The following SLC2A3 variants were observed in gnomAD, a reference collection of about 807,000 sequenced individuals.
SLC2A3 encodes solute carrier family 2 member 3, also known as solute carrier family 2, facilitated glucose transporter member 3.
In SLC2A3, 21 loss-of-function variants were observed where a neutral mutation model predicts 46.4. The ratio of observed to expected loss-of-function variants is 0.45; its 90% CI spans 0.32 to 0.65. The LOEUF is 0.65. SLC2A3 is among the 30% of genes least tolerant of loss of function. The pLI is 0.04. For synonymous variants in SLC2A3, 213 were observed against 239.4 expected (o/e 0.89, Z 1.02); for missense variants, 499 against 623.3 (o/e 0.80, Z 2.12).
intron 6 of SLC2A3, among the ~76,000 whole-genome samples, chr12:7,927,475 T>C (rs1422840438): frequency 4.6e-5 from 7 of 152,094 alleles, no homozygotes; most frequent in Non-Finnish European, 1.0e-4. Context: ...AACCCCTACA[T>C]CATCTCACCT....
chr12:7,930,555 C>T lies in SLC2A3; in HGVS notation c.598G>A (p.Ala200Thr). The stretch of plus-strand genomic sequence containing the variant: ...CTTTCAGGGCAAAATGGAAGGGCTG[C>T]ACTTTGTAGGATAGCAGGAAGGATG... ...FTILPAILQS[A>T]ALPFCPESPR... is the part of the protein sequence containing the mutation. The change falls in exon 5 of 10, where the codon GCA becomes ACA. Residue 200 changes from alanine to threonine, a missense_variant. Physicochemically the swap from Ala to Thr is moderately conservative, Grantham distance 58 (BLOSUM62 0). Coordinates refer to ENST00000075120, the MANE Select transcript of SLC2A3 (RefSeq NM_006931.3). 6.2e-7 allele frequency: 1 copy of T among 1,613,922 alleles called. No individual in the cohort carries two copies. Among genetic ancestry groups the T allele is most frequent in the Non-Finnish European group, 8.5e-7 (1 of 1,179,906 alleles).
rs1946140423 is a variant in SLC2A3 at position 7,930,473 on chromosome 12, T to C, written c.673+7A>G. 1 of 1,612,190 alleles carries C rather than the reference T, an allele frequency of 6.2e-7. No individual in the cohort carries two copies. The highest frequency in any genetic ancestry group is 8.5e-7 in the Non-Finnish European group (1 of 1,178,586). Reference sequence around the variant, plus strand: ...AATTCATGTAGTAAGGTGTGAAGGATACTCACTCTGCTTAGCATTCTCCTC... The same window carrying C: ...AATTCATGTAGTAAGGTGTGAAGGACACTCACTCTGCTTAGCATTCTCCTC... On this transcript the variant is annotated splice_region_variant and intron_variant, in intron 5 of 9. Transcript: ENST00000075120.
In SLC2A3 at chr12:7,933,909, G is replaced by A. The variant is rs775349325; in HGVS notation, c.16-7C>T. On this transcript the variant is annotated splice_region_variant and splice_polypyrimidine_tract_variant and intron_variant, in intron 1 of 9. Transcript: ENST00000075120. ...ATATCAGAGCTGGGGTGACCTGGAGGGAGGGAAGACAGAGGAGAGAATAGT... is the reference window on the plus strand; with the variant it reads ...ATATCAGAGCTGGGGTGACCTGGAGAGAGGGAAGACAGAGGAGAGAATAGT... 1.2e-6 allele frequency: 2 copies of A among 1,612,752 alleles called. No individual in the cohort carries two copies. Among genetic ancestry groups the A allele is most frequent in the South Asian group, 1.1e-5 (1 of 91,044 alleles).
intron 6 of SLC2A3, among the ~76,000 whole-genome samples, chr12:7,927,889 G>A (rs760972346): frequency 6.6e-6 from 1 of 152,142 alleles, no homozygotes; most frequent in Admixed American, 6.5e-5. Context: ...TTTGAGACCA[G>A]CCTGGCCAAC....
chr12:7,931,597 TAATCTAAC>T (rs1344059191), intron 3 of SLC2A3, 112 bp from the exon 4 acceptor site: 1 of 1,444,830 alleles, frequency 6.9e-7, no homozygotes, highest in Non-Finnish European at 9.3e-7. Context: ...CTTTTTTTTT[TAATCTAAC>T]TTTTGTTTTT....
rs377067449 is a variant in SLC2A3, at chr12:7,921,410, G to A, written c.*3C>T. The A allele has an allele frequency of 3.4e-5, 55 of 1,614,060 alleles. No individual in the cohort carries two copies. The East Asian group carries it at 9.1e-4, about 27-fold the overall frequency. On this transcript the variant is annotated 3_prime_UTR_variant, in exon 10 of 10. Transcript: ENST00000075120. ...CCGGGAGGGAGGTGGAAGGAGGCACGACTTAGACATTGGTGGTGGTCTCCT... is the reference window on the plus strand; with the variant it reads ...CCGGGAGGGAGGTGGAAGGAGGCACAACTTAGACATTGGTGGTGGTCTCCT...
chr12:7,931,636 T>A (rs759175225), intron 3 of SLC2A3, 151 bp from the exon 4 acceptor site: 1 of 1,271,056 alleles, frequency 7.9e-7, no homozygotes, highest in Non-Finnish European at 1.1e-6. Flanking sequence ...TATCAGAACA[T>A]TTCTAGTTGG....
chr12:7,932,433 T>C (rs1256518960), intron 3 of SLC2A3, among the ~76,000 whole-genome samples: 1 of 151,976 alleles, frequency 6.6e-6, no homozygotes, highest in Non-Finnish European at 1.5e-5. Flanking sequence ...TTGCCTCGGT[T>C]TCCCAAAGTG....
At chr12:7,929,539 AC>A in intron 6 of SLC2A3, 144 bp downstream of exon 6, 1 of 1,211,562 alleles carries the variant, frequency 8.3e-7, no homozygotes, top group South Asian at 1.6e-5. Flanking sequence ...ATTATAGCTC[AC>A]TGCAACCTGA....
At chr12:7,932,657 A>G (rs1946168564) in intron 3 of SLC2A3, 1 of 238,668 alleles carries the variant, frequency 4.2e-6, no homozygotes, top group Non-Finnish European at 8.1e-6. Context: ...TTATAATACA[A>G]GTAAACAACT....
chr12:7,921,771 G>A (rs1189511861), intron 9 of SLC2A3, 140 bp from the exon 10 acceptor site: 20 of 964,054 alleles, frequency 2.1e-5, no homozygotes, highest in African/African-American at 6.6e-5. Flanking sequence ...CTTCAGATTC[G>A]CTTATGATTC....
chr12:7,933,444 T>C (rs1946179578), intron 2 of SLC2A3: 1 of 491,664 alleles, frequency 2.0e-6, no homozygotes, highest in Non-Finnish European at 3.6e-6. Flanking sequence ...TGCATCACTA[T>C]GAGGTGAAAG....
At chr12:7,933,298 CTCTCGCTGG>C in intron 2 of SLC2A3, 151 bp from the exon 3 acceptor site, 1 of 879,410 alleles carries the variant, frequency 1.1e-6, no homozygotes, top group Non-Finnish European at 1.7e-6. Context: ...TTTATGTTAA[CTCTCGCTGG>C]AATAGTAATT....
intron 6 of SLC2A3, among the ~76,000 whole-genome samples, chr12:7,926,720 C>G (rs1384102508): frequency 6.6e-6 from 1 of 152,090 alleles, no homozygotes; most frequent in Admixed American, 6.6e-5. Flanking sequence ...ATAGGGACAT[C>G]GATGTCTCAA....
Position 7,921,423 on chromosome 12 carries a change from G to C in SLC2A3, c.1481C>G (p.Thr494Ser), listed in dbSNP as rs764314682. Residue 494 changes from threonine to serine, a missense_variant, in exon 10 of 10, where the codon ACC (threonine) becomes AGC (serine). Coordinates refer to ENST00000075120, the MANE Select transcript of SLC2A3 (RefSeq NM_006931.3). ...GGAAGGAGGCACGACTTAGACATTG[G>C]TGGTGGTCTCCTTAGCAGGCTCGAT... ...NSIEPAKETT[T>S]NV 6 of 1,614,038 alleles carry C rather than the reference G, an allele frequency of 3.7e-6. No individual in the cohort carries two copies. The South Asian group carries it at 6.6e-5, about 18-fold the overall frequency.
rs765700545 is a variant in SLC2A3 at position 7,931,451 on chromosome 12, C to T, written c.304G>A (p.Val102Ile). ...NSMLIVNLLA[V>I]TGGCFMGLCK... ...AGTCCCATAAAGCAGCCACCAGTGA[C>T]AGCCAACAGGTTGACAATCAGCATT... Residue 102 changes from valine to isoleucine, a missense_variant, in exon 4 of 10, where the codon GTC becomes ATC. Physicochemically the swap from Val to Ile is conservative, Grantham distance 29. Around this residue, in one of 5 missense-constraint regions of SLC2A3, gnomAD observed 248 missense variants for 284.0 expected, o/e 0.87. Coordinates refer to ENST00000075120, the MANE Select transcript of SLC2A3 (RefSeq NM_006931.3). The T allele has an allele frequency of 3.7e-6, 6 of 1,614,078 alleles. No homozygotes were observed. The highest frequency in any genetic ancestry group is 2.2e-5 in the East Asian group (1 of 44,894).
In SLC2A3 at chr12:7,919,709, C is replaced by A. The variant is rs781641670; in HGVS notation, c.*1704G>T. 3 of 152,438 alleles carry A rather than the reference C, an allele frequency of 2.0e-5. No homozygotes were observed. The East Asian group carries it at 5.8e-4, about 29-fold the overall frequency. The allele number at this position is 152,438 out of a possible 1,614,324, so 9.4% of individuals were successfully genotyped here. A position where few individuals can be genotyped will look rare whatever the true frequency, so the allele number is the denominator to read the frequency against. ...TACAGGCGTGAGCCACCGCATCCGG[C>A]CTCAGCTACGTGCATTTTTATTCAA... On this transcript the variant is annotated 3_prime_UTR_variant, in exon 10 of 10. Coordinates refer to ENST00000075120, the MANE Select transcript of SLC2A3 (RefSeq NM_006931.3).
rs61735659 is a variant in SLC2A3 at position 7,931,418 on chromosome 12, C to T, written c.337G>A (p.Val113Ile). The T allele has an allele frequency of 5.6e-6, 9 of 1,614,040 alleles. No homozygotes were observed. In the African/African-American group the frequency reaches 8.0e-5, roughly 14 times the overall value. Residue 113 changes from valine to isoleucine, a missense_variant, in exon 4 of 10, where the codon GTA becomes ATA. Around this residue, in one of 5 missense-constraint regions of SLC2A3, gnomAD observed 248 missense variants for 284.0 expected, o/e 0.87. Transcript: ENST00000075120. Reference sequence around the variant, plus strand: ...ATCAGCATTTCAACCGACTTAGCTACTTTACACAGTCCCATAAAGCAGCCA... The same window carrying T: ...ATCAGCATTTCAACCGACTTAGCTATTTTACACAGTCCCATAAAGCAGCCA... ...TGGCFMGLCK[V>I]AKSVEMLILG...
rs1946028039 is a variant in SLC2A3 at position 7,920,691 on chromosome 12, T to C, written c.*722A>G. 6.6e-6 allele frequency: 1 copy of C among 152,512 alleles called. No homozygotes were observed. Among genetic ancestry groups the C allele is most frequent in the Admixed American group, 6.5e-5 (1 of 15,314 alleles). 9.4% of individuals were successfully genotyped at this position (152,512 alleles called of 1,614,324 possible). A position where few individuals can be genotyped will look rare whatever the true frequency, so the allele number is the denominator to read the frequency against. ...ACCCTCCAATAATGAACAACATTTC[T>C]CCCTAAATTCTTATTGCACCTTAAC... On this transcript the variant is annotated 3_prime_UTR_variant, in exon 10 of 10. Coordinates refer to ENST00000075120, the MANE Select transcript of SLC2A3 (RefSeq NM_006931.3).
Sources: gnomAD v4.1 joint callset for allele counts (sites outside exome capture counted in the v4.1 genomes callset) on GRCh38, gnomAD v4.1.1 for gene constraint, gnomAD v4.1.1 regional missense constraint, MANE v1.5 for transcripts, NCBI Gene and HGNC (gene_info 2026-07-23, HGNC 2026-07-21) for gene names.